MITF: variants seen among roughly 807,000 people sequenced by gnomAD.
MITF encodes microphthalmia-associated transcription factor.
A neutral mutation model predicts 60.5 loss-of-function variants in MITF; 17 were observed. That is an observed-to-expected ratio of 0.28 (90% CI 0.19 to 0.42). MITF has a LOEUF of 0.42. MITF is among the 10% of genes least tolerant of loss of function. MITF has a pLI of 1.00. For synonymous variants in MITF, 260 were observed against 248.5 expected (o/e 1.05, Z -0.43); for missense variants, 622 against 683.5 (o/e 0.91, Z 1.00).
At chr3:69,755,432 G>T (rs1005800677) in intron 1 of MITF, among the ~76,000 whole-genome samples, 16 of 51,022 alleles carry the variant, frequency 3.1e-4, no homozygotes, top group African/African-American at 1.2e-3. Flanking sequence ...TACCCTTCTG[G>T]GTTTTTTTTT....
intron 1 of MITF, among the ~76,000 whole-genome samples, chr3:69,848,063 A>G (rs1233986349): frequency 1.3e-5 from 2 of 152,074 alleles, no homozygotes; most frequent in Non-Finnish European, 2.9e-5. Context: ...GTGTAGATAG[A>G]ATGAACTCAG....
At chr3:69,962,758 G>C (rs978392467) in intron 9 of MITF, among the ~76,000 whole-genome samples, 2 of 152,206 alleles carry the variant, frequency 1.3e-5, no homozygotes, top group Non-Finnish European at 2.9e-5. Flanking sequence ...AAAAGGGAAA[G>C]AGCTTGCTTG....
chr3:69,843,034 C>CAGT (rs1314641064), intron 1 of MITF, among the ~76,000 whole-genome samples: 1 of 152,138 alleles, frequency 6.6e-6, no homozygotes, highest in Non-Finnish European at 1.5e-5. Context: ...ATGGGCTGTC[C>CAGT]AGTAAAGCAA....
intron 1 of MITF, chr3:69,762,719 C>T (rs1025261804): frequency 6.3e-5 from 14 of 220,744 alleles, no homozygotes; most frequent in Non-Finnish European, 1.8e-5. Context: ...TTTATCTCGA[C>T]AGTCATCTCC....
chr3:69,842,099 G>A (rs2063648095), intron 1 of MITF, among the ~76,000 whole-genome samples: 1 of 152,170 alleles, frequency 6.6e-6, no homozygotes, highest in Non-Finnish European at 1.5e-5. Flanking sequence ...GGGCAGCATA[G>A]TAGCTTTGAG....
intron 1 of MITF, among the ~76,000 whole-genome samples, chr3:69,841,841 A>T (rs2063642650): frequency 6.6e-6 from 1 of 152,210 alleles, no homozygotes; most frequent in African/African-American, 2.4e-5. Flanking sequence ...GTGGTGTTAT[A>T]TGTACGAAGA....
chr3:69,866,690 A>T (rs1045458074), intron 1 of MITF, among the ~76,000 whole-genome samples: 1 of 152,196 alleles, frequency 6.6e-6, no homozygotes, highest in Admixed American at 6.5e-5. Flanking sequence ...TTGATTTATG[A>T]TTGCAAGATA....
intron 2 of MITF, among the ~76,000 whole-genome samples, chr3:69,881,925 A>G (rs1391420128): frequency 2.0e-5 from 3 of 152,148 alleles, no homozygotes; most frequent in African/African-American, 7.2e-5. Context: ...AGGTAGATGT[A>G]TACAATTAGT....
chr3:69,961,559 A>AAAAAG (rs1373319236), intron 9 of MITF, among the ~76,000 whole-genome samples: 15 of 150,122 alleles, frequency 1.0e-4, no homozygotes, highest in African/African-American at 2.2e-4. Context: ...ACAAAAAAAA[A>AAAAAG]AAAAGAAAAG....
chr3:69,784,247 T>G (rs2062612940), intron 1 of MITF, among the ~76,000 whole-genome samples: 1 of 152,156 alleles, frequency 6.6e-6, no homozygotes, highest in African/African-American at 2.4e-5. Flanking sequence ...ACATACTGTT[T>G]GTTCTTTTTT....
intron 2 of MITF, among the ~76,000 whole-genome samples, chr3:69,883,908 C>A (rs546324530): frequency 6.6e-6 from 1 of 152,200 alleles, no homozygotes; most frequent in Admixed American, 6.5e-5. Flanking sequence ...TTTCAGGGAT[C>A]ATTTATAAAC....
intron 1 of MITF, among the ~76,000 whole-genome samples, chr3:69,819,033 C>T (rs2063224938): frequency 6.6e-6 from 1 of 152,086 alleles, no homozygotes; most frequent in African/African-American, 2.4e-5. Flanking sequence ...TAAGTTAAAA[C>T]TTTAATAAGA....
chr3:69,923,394 G>A (rs1228852460), intron 2 of MITF, among the ~76,000 whole-genome samples: 3 of 152,112 alleles, frequency 2.0e-5, no homozygotes, highest in African/African-American at 7.2e-5. Flanking sequence ...ACCTAGGCTG[G>A]AATGCATTGA....
chr3:69,927,136 T>G (rs1225623148), intron 2 of MITF, among the ~76,000 whole-genome samples: 2 of 152,166 alleles, frequency 1.3e-5, no homozygotes, highest in Non-Finnish European at 2.9e-5. Flanking sequence ...TTTTTTTGGC[T>G]TTGCATATAT....
At chr3:69,853,795 C>T (rs2063866650) in intron 1 of MITF, among the ~76,000 whole-genome samples, 1 of 151,510 alleles carries the variant, frequency 6.6e-6, no homozygotes, top group Non-Finnish European at 1.5e-5. Flanking sequence ...AGGCATATCA[C>T]TCATGTTTAC....
At chr3:69,843,998 G>C (rs747651737) in intron 1 of MITF, among the ~76,000 whole-genome samples, 15 of 152,056 alleles carry the variant, frequency 9.9e-5, no homozygotes, top group Non-Finnish European at 1.6e-4. Context: ...GTGGTGTTTG[G>C]TTTTCCTTTC....
At chr3:69,906,872 A>C (rs2065111238) in intron 2 of MITF, among the ~76,000 whole-genome samples, 1 of 152,152 alleles carries the variant, frequency 6.6e-6, no homozygotes, top group African/African-American at 2.4e-5. Flanking sequence ...AGGAGCTGTC[A>C]ACGCACTCCC....
intron 9 of MITF, among the ~76,000 whole-genome samples, chr3:69,961,983 G>A (rs939182829): frequency 6.6e-6 from 1 of 152,160 alleles, no homozygotes; most frequent in Non-Finnish European, 1.5e-5. Flanking sequence ...TATTAATTAG[G>A]AAAGCTCTGT....
chr3:69,939,044 A>G (rs2065908043), intron 3 of MITF, 54 bp from the exon 4 acceptor site: 2 of 1,597,668 alleles, frequency 1.3e-6, no homozygotes, highest in Admixed American at 3.5e-5. Flanking sequence ...ACAGGTCATT[A>G]AAAAGTCATT....
Sources: gnomAD v4.1 joint callset for allele counts (sites outside exome capture counted in the v4.1 genomes callset) on GRCh38, gnomAD v4.1.1 for gene constraint, MANE v1.5 for transcripts, NCBI Gene and HGNC (gene_info 2026-07-23, HGNC 2026-07-21) for gene names.